Variants in DAB1 observed in about 807,000 individuals in gnomAD.
DAB1 encodes disabled homolog 1.
DAB1 carries 15 observed loss-of-function variants against 64.6 expected under a neutral mutation model. The ratio of observed to expected loss-of-function variants is 0.23; its 90% CI spans 0.16 to 0.36. The LOEUF is 0.36. DAB1 is among the 10% of genes least tolerant of loss of function. DAB1 has a pLI of 1.00. For synonymous variants in DAB1, 235 were observed against 251.9 expected (o/e 0.93, Z 0.64); for missense variants, 596 against 706.7 (o/e 0.84, Z 1.78).
At chr1:57,699,042 A>G (rs1296597600) in intron 6 of DAB1, among the ~76,000 whole-genome samples, 2 of 152,160 alleles carry the variant, frequency 1.3e-5, no homozygotes, top group Non-Finnish European at 2.9e-5. Context: ...GGCTCAAGCC[A>G]TCTTCCTGTC....
chr1:57,401,126 T>G lies in DAB1; in HGVS notation c.-137+22804A>C, dbSNP rs116659469. Among the ~76,000 whole-genome samples, 1,479 of 152,298 alleles carry G rather than the reference T, an allele frequency of 9.7e-3. 10 individuals carry two copies. The highest frequency in any genetic ancestry group is 0.015 in the Non-Finnish European group (1,042 of 68,030). On this transcript the variant is annotated intron_variant, in intron 1 of 14. Transcript: ENST00000371236. The stretch of plus-strand genomic sequence containing the variant: ...GTATAAAAGCATTCAATTATGTGCA[T>G]GAAATGATTTACCTCTACACTCAAC...
chr1:57,052,755 C>T (rs112629563), intron 9 of DAB1, among the ~76,000 whole-genome samples: 1 of 152,100 alleles, frequency 6.6e-6, no homozygotes, highest in Non-Finnish European at 1.5e-5. Context: ...ATCCCCTTCA[C>T]GATATAGGAA....
At chr1:58,176,622 CT>C (rs1656491136) in intron 4 of DAB1, among the ~76,000 whole-genome samples, 1 of 152,178 alleles carries the variant, frequency 6.6e-6, no homozygotes, top group South Asian at 2.1e-4. Context: ...CAAACTCAGC[CT>C]TTTATAACAG....
At chr1:57,571,117 G>A (rs1460711422) in intron 7 of DAB1, among the ~76,000 whole-genome samples, 1 of 152,098 alleles carries the variant, frequency 6.6e-6, no homozygotes, top group Non-Finnish European at 1.5e-5. Context: ...AGCCTTTAGG[G>A]TTTTCTAGGT....
chr1:57,405,386 A>G (rs1287386679), intron 1 of DAB1, among the ~76,000 whole-genome samples: 2 of 152,204 alleles, frequency 1.3e-5, no homozygotes, highest in Non-Finnish European at 1.5e-5. Flanking sequence ...AAATGGTCCA[A>G]TGTACCCCTT....
chr1:58,258,788 A>AGGT (rs988058750), intron 4 of DAB1, among the ~76,000 whole-genome samples: 1 of 152,038 alleles, frequency 6.6e-6, no homozygotes, highest in African/African-American at 2.4e-5. Context: ...GTGGGTTAGT[A>AGGT]GGTGTTGAAG....
At chr1:57,247,709 T>C (rs892218860) in intron 2 of DAB1, among the ~76,000 whole-genome samples, 4 of 152,226 alleles carry the variant, frequency 2.6e-5, no homozygotes, top group Non-Finnish European at 5.9e-5. Context: ...TAGGAAAGCC[T>C]TGTGACTGGT....
chr1:57,937,951 A>G (rs1857380), intron 5 of DAB1, among the ~76,000 whole-genome samples: 61,361 of 152,076 alleles, frequency 0.4, 13,536 homozygotes, highest in Admixed American at 0.51. Flanking sequence ...GGCCCTGTGC[A>G]TGATGTTACC....
chr1:57,999,540 C>G (rs954135328), intron 5 of DAB1, among the ~76,000 whole-genome samples: 7 of 152,174 alleles, frequency 4.6e-5, no homozygotes, highest in Admixed American at 1.3e-4. Flanking sequence ...AGACTAGAGC[C>G]TCTCTCAACC....
rs1646664117 is a variant in DAB1, at chr1:57,683,765, G to A, written n.552-34100C>T. Among the ~76,000 whole-genome samples the A allele has an allele frequency of 1.3e-5, 2 of 152,206 alleles. 1 individual carries two copies. Among genetic ancestry groups the A allele is most frequent in the Admixed American group, 1.3e-4 (2 of 15,276 alleles). ...AAATGAGGCCACCAGCTACCCAGCA[G>A]TGGTTGTCAATCAGACTGAAATGAC... On this transcript the variant is annotated intron_variant and non_coding_transcript_variant, in intron 6 of 20. Transcript: ENST00000485760.
At chr1:57,574,616 T>C (rs887092987) in intron 7 of DAB1, among the ~76,000 whole-genome samples, 2 of 152,180 alleles carry the variant, frequency 1.3e-5, no homozygotes, top group Non-Finnish European at 1.5e-5. Context: ...TTTGCTCCTC[T>C]CCAGGCTTGT....
At chr1:57,001,884 C>T (rs570378579) in intron 14 of DAB1, among the ~76,000 whole-genome samples, 1 of 152,290 alleles carries the variant, frequency 6.6e-6, no homozygotes, top group South Asian at 2.1e-4. Context: ...TGCTTCAGAA[C>T]CTGTGCAGAT....
chr1:58,176,123 G>A (rs1233226565), intron 4 of DAB1, among the ~76,000 whole-genome samples: 1 of 152,172 alleles, frequency 6.6e-6, no homozygotes, highest in African/African-American at 2.4e-5. Context: ...GTCATTCACT[G>A]ATGTTCTTAA....
chr1:57,353,009 C>G (rs922702331), intron 1 of DAB1, among the ~76,000 whole-genome samples: 50 of 152,064 alleles, frequency 3.3e-4, no homozygotes, highest in African/African-American at 1.1e-3. Flanking sequence ...CTGGCCTAAG[C>G]TGCAGGTTTT....
chr1:57,518,660 C>T (rs1474654853), intron 7 of DAB1, among the ~76,000 whole-genome samples: 1 of 152,158 alleles, frequency 6.6e-6, no homozygotes, highest in Non-Finnish European at 1.5e-5. Flanking sequence ...TCTCGTGTGT[C>T]CTGCTTTGGC....
chr1:57,889,410 C>A (rs1006951385), intron 5 of DAB1, among the ~76,000 whole-genome samples: 2 of 152,246 alleles, frequency 1.3e-5, no homozygotes, highest in East Asian at 3.8e-4. Context: ...AAGCTAATTT[C>A]CACACAGGTC....
chr1:58,261,002 A>G (rs1459365911), intron 4 of DAB1, among the ~76,000 whole-genome samples: 1 of 152,186 alleles, frequency 6.6e-6, no homozygotes, highest in Non-Finnish European at 1.5e-5. Context: ...CATAAATAAT[A>G]ATTTATGTGC....
intron 6 of DAB1, among the ~76,000 whole-genome samples, chr1:57,820,365 C>T (rs1214730500): frequency 6.6e-6 from 1 of 152,276 alleles, no homozygotes; most frequent in East Asian, 1.9e-4. Context: ...TTCCCCTTTT[C>T]CTTCTTTCGT....
chr1:57,339,550 C>T (rs1440809434), intron 1 of DAB1, among the ~76,000 whole-genome samples: 1 of 152,182 alleles, frequency 6.6e-6, no homozygotes, highest in Non-Finnish European at 1.5e-5. Context: ...TCTAAGTGTA[C>T]ACTTAAGAAT....
Sources: allele counts gnomAD v4.1 joint callset (sites outside exome capture counted in the v4.1 genomes callset), GRCh38; gene constraint gnomAD v4.1.1; transcripts MANE v1.5; gene names NCBI Gene and HGNC (gene_info 2026-07-23, HGNC 2026-07-21).